CDS1: variants seen among roughly 807,000 people sequenced by gnomAD.
CDS1 encodes the protein phosphatidate cytidylyltransferase 1.
A neutral mutation model predicts 62.1 loss-of-function variants in CDS1; 41 were observed. The ratio of observed to expected loss-of-function variants is 0.66; its 90% CI spans 0.51 to 0.86. The LOEUF is 0.86. Among genes scored for constraint, CDS1 ranks in the 40% least tolerant of loss-of-function variants. The pLI is 0.00. For missense variants in CDS1, 470 were observed against 550.1 expected (o/e 0.85, Z 1.46); for synonymous variants, 185 against 192.6 (o/e 0.96, Z 0.32).
chr4:84,633,991 G>C (rs774576722), intron 7 of CDS1, 52 bp downstream of exon 7: 3 of 1,003,758 alleles, frequency 3.0e-6, no homozygotes, highest in Non-Finnish European at 4.5e-6. Context: ...CACTTTTATA[G>C]TTCTTTAACG....
chr4:84,639,594 A>G (rs1724317976), intron 9 of CDS1, among the ~76,000 whole-genome samples: 1 of 152,228 alleles, frequency 6.6e-6, no homozygotes, highest in Non-Finnish European at 1.5e-5. Context: ...TGAGAATGAG[A>G]GTATAGTACC....
intron 1 of CDS1, among the ~76,000 whole-genome samples, chr4:84,597,275 T>A (rs1206209663): frequency 1.3e-5 from 2 of 152,178 alleles, no homozygotes; most frequent in East Asian, 3.9e-4. Context: ...GGAGGCTTTA[T>A]CAATTATCAT....
chr4:84,640,629 T>A (rs1231244148), intron 9 of CDS1, among the ~76,000 whole-genome samples: 2 of 151,544 alleles, frequency 1.3e-5, no homozygotes, highest in Non-Finnish European at 2.9e-5. Flanking sequence ...TCAAAAAAAC[T>A]TTTTTTTTCT....
At chr4:84,603,225 G>A (rs1162142501) in intron 1 of CDS1, among the ~76,000 whole-genome samples, 1 of 152,182 alleles carries the variant, frequency 6.6e-6, no homozygotes, top group Admixed American at 6.5e-5. Context: ...ATTCTGAATT[G>A]TTGGGTGCTT....
chr4:84,619,622 G>T, intron 5 of CDS1, 89 bp downstream of exon 5: 3 of 800,004 alleles, frequency 3.7e-6, no homozygotes, highest in Middle Eastern at 4.0e-4. Flanking sequence ...GTAATTTTTT[G>T]GTTAAATTTT....
At chr4:84,613,546 G>A (rs1723394583) in intron 3 of CDS1, among the ~76,000 whole-genome samples, 1 of 152,108 alleles carries the variant, frequency 6.6e-6, no homozygotes, top group African/African-American at 2.4e-5. Context: ...AGAGGCAGAG[G>A]TTTCAGTGAG....
rs142842567 is a variant in CDS1, at chr4:84,639,663, A to C, written c.879+671A>C. ...ACTGTCAGGAAGCTTTACTTTTCCT[A>C]GTTTCTGACAGTTGTGGTTACATTC... is the stretch of plus-strand genomic sequence containing the variant. On this transcript the variant is annotated intron_variant, in intron 9 of 12. Transcript: ENST00000295887. 8.7e-4 allele frequency among the ~76,000 whole-genome samples: 132 copies of C among 152,284 alleles called. 1 individual carries two copies. The highest frequency in any genetic ancestry group is 3.2e-3 in the African/African-American group (131 of 41,570).
chr4:84,644,062 G>T (rs1216612816), intron 11 of CDS1, among the ~76,000 whole-genome samples: 1 of 152,210 alleles, frequency 6.6e-6, no homozygotes, highest in Non-Finnish European at 1.5e-5. Flanking sequence ...CAGTGTGGCT[G>T]TGGTTGAGAG....
intron 11 of CDS1, among the ~76,000 whole-genome samples, chr4:84,644,884 A>G (rs745352173): frequency 6.6e-6 from 1 of 152,246 alleles, no homozygotes; most frequent in Non-Finnish European, 1.5e-5. Flanking sequence ...GTGGTTAAAA[A>G]GAAAGCTAGG....
chr4:84,628,967 A>G (rs1020978269), intron 5 of CDS1, among the ~76,000 whole-genome samples: 4 of 152,210 alleles, frequency 2.6e-5, no homozygotes, highest in African/African-American at 4.8e-5. Flanking sequence ...GCACAATACT[A>G]TGTAGATAAA....
intron 3 of CDS1, 64 bp from the exon 4 acceptor site, chr4:84,617,500 T>C (rs1723533908): frequency 6.0e-6 from 5 of 829,892 alleles, no homozygotes; most frequent in African/African-American, 5.1e-5. Context: ...AACTGCTTTA[T>C]TGAATGATTA....
intron 1 of CDS1, among the ~76,000 whole-genome samples, chr4:84,600,740 T>G (rs956172146): frequency 2.6e-5 from 4 of 152,246 alleles, no homozygotes; most frequent in Non-Finnish European, 2.9e-5. Context: ...TTTATTCTCT[T>G]TCCAAACTTG....
chr4:84,616,702 A>G (rs915172947), intron 3 of CDS1, among the ~76,000 whole-genome samples: 2 of 152,234 alleles, frequency 1.3e-5, no homozygotes, highest in Admixed American at 6.5e-5. Context: ...AATTCATGAT[A>G]ATAAGTGTTC....
At chr4:84,583,544 G>C (rs1165740690) in intron 1 of CDS1, 26 bp downstream of exon 1, 3 of 1,378,270 alleles carry the variant, frequency 2.2e-6, no homozygotes, top group Non-Finnish European at 2.9e-6. Flanking sequence ...AGAGGCGGAC[G>C]CCGCGCCCTG....
rs1724620192 is a variant in CDS1, at chr4:84,648,552, A to G, written c.1257-5A>G. On this transcript the variant is annotated splice_region_variant and splice_polypyrimidine_tract_variant and intron_variant, in intron 12 of 12. Transcript: ENST00000295887. ...GAACTTGTCTTCTTTGCCTTTTATC[A>G]TTAGGGGCCCAAATCCCAGCAAAGT... 1.2e-6 allele frequency: 2 copies of G among 1,611,378 alleles called. No individual in the cohort carries two copies. Among genetic ancestry groups the G allele is most frequent in the Non-Finnish European group, 1.7e-6 (2 of 1,179,108 alleles).
At position 84,635,174 on chromosome 4, in the gene CDS1, G is replaced by T. The variant is rs543964678; in HGVS notation, c.723-90G>T. The stretch of plus-strand genomic sequence containing the variant: ...TGCAATCCAAAGGGTTATTCTGATG[G>T]TTCATTATGAATCATAACCTTTCCG... On this transcript the variant is annotated intron_variant, in intron 7 of 12. Coordinates refer to ENST00000295887, the MANE Select transcript of CDS1 (RefSeq NM_001263.4). 3.0e-3 allele frequency: 2,032 copies of T among 669,922 alleles called. 6 individuals carry two copies. Among genetic ancestry groups the T allele is most frequent in the Middle Eastern group, 4.9e-3 (12 of 2,456 alleles). The allele number at this position is 669,922 out of a possible 1,614,324, so 41.5% of individuals were successfully genotyped here.
intron 8 of CDS1, among the ~76,000 whole-genome samples, chr4:84,636,531 T>TA (rs1158487222): frequency 4.6e-5 from 7 of 152,186 alleles, no homozygotes; most frequent in African/African-American, 1.7e-4. Flanking sequence ...GTTTAGTTTT[T>TA]ATTCGTTTTT....
At chr4:84,586,551 A>C (rs112021888) in intron 1 of CDS1, among the ~76,000 whole-genome samples, 5,818 of 152,232 alleles carry the variant, frequency 0.038, 129 homozygotes, top group South Asian at 0.055. Context: ...GCTCGGTGGT[A>C]ATGCGAGTGA....
intron 5 of CDS1, among the ~76,000 whole-genome samples, chr4:84,625,078 GTCTAACTCCTGAGATCA>G (rs1723815195): frequency 6.6e-6 from 1 of 152,056 alleles, no homozygotes; most frequent in Admixed American, 6.6e-5. Context: ...TCAGGCTGGT[GTCTAACTCCTGAGATCA>G]AGTGATCCTC....
Sources: gnomAD v4.1 joint callset for allele counts (sites outside exome capture counted in the v4.1 genomes callset) on GRCh38, gnomAD v4.1.1 for gene constraint, MANE v1.5 for transcripts, NCBI Gene and HGNC (gene_info 2026-07-23, HGNC 2026-07-21) for gene names.